Variants in CACNA1A observed in about 807,000 individuals in gnomAD.
The protein encoded by CACNA1A is voltage-dependent P/Q-type calcium channel subunit alpha-1A.
A neutral mutation model predicts 262.4 loss-of-function variants in CACNA1A; 57 were observed. The observed-to-expected ratio is 0.22, with a 90% CI of 0.18 to 0.27. CACNA1A has a LOEUF of 0.27. Among genes scored for constraint, CACNA1A ranks in the 10% least tolerant of loss-of-function variants. CACNA1A has a pLI of 1.00. For missense variants in CACNA1A, 2,526 were observed against 3,562.8 expected (o/e 0.71, Z 7.41); for synonymous variants, 1,431 against 1,419.3 (o/e 1.01, Z -0.18).
intron 5 of CACNA1A, among the ~76,000 whole-genome samples, chr19:13,360,313 G>A (rs1214461245): frequency 6.9e-6 from 1 of 145,282 alleles, no homozygotes; most frequent in Non-Finnish European, 1.5e-5. Context: ...GGAAGACAGG[G>A]AGAGAACGGG....
rs759994157 is a variant in CACNA1A, at chr19:13,444,917, C to T, written c.539+7959G>A. The stretch of plus-strand genomic sequence containing the variant: ...CTTTGGGAGACAGAGGTGGGCGGAC[C>T]ACCTGAGGGCAGGACTTGGAGACTA... On this transcript the variant is annotated intron_variant, in intron 3 of 46. Transcript: ENST00000360228. Among the ~76,000 whole-genome samples the T allele has an allele frequency of 1.2e-4, 18 of 151,948 alleles. 1 individual carries two copies. Among genetic ancestry groups the T allele is most frequent in the Non-Finnish European group, 2.4e-4 (16 of 67,976 alleles).
chr19:13,419,315 G>T (rs2060277478), intron 3 of CACNA1A, among the ~76,000 whole-genome samples: 1 of 152,228 alleles, frequency 6.6e-6, no homozygotes, highest in South Asian at 2.1e-4. Context: ...TACCATCTAG[G>T]TTTGTGTTAA....
At chr19:13,285,851 C>T (rs903673213) in intron 20 of CACNA1A, among the ~76,000 whole-genome samples, 3 of 151,754 alleles carry the variant, frequency 2.0e-5, no homozygotes, top group Non-Finnish European at 4.4e-5. Context: ...GATCTTAGGT[C>T]TCAGGACCAT....
intron 19 of CACNA1A, among the ~76,000 whole-genome samples, chr19:13,290,628 T>C (rs1169900135): frequency 1.3e-5 from 2 of 151,918 alleles, no homozygotes; most frequent in Admixed American, 1.3e-4. Context: ...TTCAGGCTGG[T>C]ATTGAACTCC....
intron 1 of CACNA1A, among the ~76,000 whole-genome samples, chr19:13,456,894 C>T (rs1367016833): frequency 6.6e-6 from 1 of 152,076 alleles, no homozygotes; most frequent in African/African-American, 2.4e-5. Flanking sequence ...AACAAACAAA[C>T]AGAAAACAAG....
At chr19:13,325,795 A>G (rs1478262535) in intron 10 of CACNA1A, among the ~76,000 whole-genome samples, 1 of 152,172 alleles carries the variant, frequency 6.6e-6, no homozygotes, top group Non-Finnish European at 1.5e-5. Context: ...GGCTGTATCT[A>G]TTTATAGTGC....
chr19:13,251,109 G>T (rs1353164971), intron 30 of CACNA1A, among the ~76,000 whole-genome samples: 1 of 138,394 alleles, frequency 7.2e-6, no homozygotes, highest in Non-Finnish European at 1.5e-5. Flanking sequence ...TCCAGCTTGG[G>T]CAACAGAGCA....
chr19:13,339,646 T>G (rs2058641480), intron 6 of CACNA1A, among the ~76,000 whole-genome samples: 2 of 152,070 alleles, frequency 1.3e-5, no homozygotes, highest in Admixed American at 1.3e-4. Flanking sequence ...GCACTACGCA[T>G]TATATGCATT....
chr19:13,220,834 C>T (rs1033854895), intron 38 of CACNA1A, among the ~76,000 whole-genome samples: 6 of 152,098 alleles, frequency 3.9e-5, no homozygotes, highest in Admixed American at 3.3e-4. Flanking sequence ...CTGTGTTGGC[C>T]AGGCTGATCT....
intron 6 of CACNA1A, among the ~76,000 whole-genome samples, chr19:13,349,916 C>T (rs2058875800): frequency 6.6e-6 from 1 of 152,202 alleles, no homozygotes; most frequent in Non-Finnish European, 1.5e-5. Flanking sequence ...CCAGAGCCTT[C>T]TCTGGCCCAG....
intron 19 of CACNA1A, among the ~76,000 whole-genome samples, chr19:13,294,782 C>G (rs2144931893): frequency 6.6e-6 from 1 of 152,254 alleles, no homozygotes; most frequent in African/African-American, 2.4e-5. Context: ...AACCATCACA[C>G]TGGCCTGTAC....
chr19:13,212,143 C>G lies in CACNA1A; in HGVS notation c.6263G>C (p.Gly2088Ala), dbSNP rs759252101. 1.2e-6 allele frequency: 2 copies of G among 1,613,764 alleles called. No individual in the cohort carries two copies. Among genetic ancestry groups the G allele is most frequent in the Non-Finnish European group, 1.7e-6 (2 of 1,179,728 alleles). Residue 2088 changes from glycine to alanine, a missense_variant, in exon 43 of 47, where the codon GGC becomes GCC. Gly to Ala is a moderately conservative substitution (Grantham distance 60). Transcript: ENST00000360228. This position sits in a 1 kb window ranked among gnomAD's most constrained non-coding sequence, Gnocchi z 5.6. ...GAGGCGGGGCATGGAGGCAGCCCGG[C>G]CCTGGCCTTCCATGGGGAGGTAGTG... ...SEHYLPMEGQ[G>A]RAASMPRLPA...
chr19:13,446,041 G>A (rs1056545065), intron 3 of CACNA1A, among the ~76,000 whole-genome samples: 4 of 152,090 alleles, frequency 2.6e-5, no homozygotes, highest in African/African-American at 4.8e-5. Flanking sequence ...TTGGGAGGCC[G>A]AGGTGGGCAG....
chr19:13,276,028 T>C lies in CACNA1A; in HGVS notation c.3883-72A>G, dbSNP rs1260205572. ...CCCTGGGGTGCTGCCACCCACTCTCTAGCCTCTCGGGGAGAGGCAGGGAAG... is the reference window on the plus strand; with the variant it reads ...CCCTGGGGTGCTGCCACCCACTCTCCAGCCTCTCGGGGAGAGGCAGGGAAG... On this transcript the variant is annotated intron_variant, in intron 23 of 46. Transcript: ENST00000360228. The C allele has an allele frequency of 5.2e-6, 5 of 956,530 alleles. No homozygotes were observed. In the East Asian group the frequency reaches 1.0e-4, roughly 19 times the overall value. The allele number at this position is 956,530 out of a possible 1,614,324, so 59.3% of individuals were successfully genotyped here. A position where few individuals can be genotyped will look rare whatever the true frequency, so the allele number is the denominator to read the frequency against.
chr19:13,209,253 T>C, intron 45 of CACNA1A, 59 bp downstream of exon 45: 1 of 1,428,266 alleles, frequency 7.0e-7, no homozygotes, highest in Admixed American at 2.9e-5. Flanking sequence ...CGCCCTGCCT[T>C]CTCCTCCCCT....
chr19:13,354,456 A>T (rs1319498378), intron 6 of CACNA1A, among the ~76,000 whole-genome samples: 1 of 152,224 alleles, frequency 6.6e-6, no homozygotes, highest in Non-Finnish European at 1.5e-5. Context: ...GCACGAAGGC[A>T]GAACCCAAGA....
At chr19:13,430,218 T>TA (rs57084768) in intron 3 of CACNA1A, among the ~76,000 whole-genome samples, 41,285 of 151,232 alleles carry the variant, frequency 0.27, 5,831 homozygotes, top group African/African-American at 0.34. Context: ...TATATATATA[T>TA]TTTTTGAGAC....
intron 30 of CACNA1A, among the ~76,000 whole-genome samples, chr19:13,249,852 CA>C (rs1329697375): frequency 6.6e-6 from 1 of 152,094 alleles, no homozygotes; most frequent in African/African-American, 2.4e-5. Flanking sequence ...TGCCCCTAAC[CA>C]CCTCCGTGAG....
Position 13,288,986 on chromosome 19 carries a change from G to A in CACNA1A, c.3090-2020C>T, listed in dbSNP as rs74520286. ...TGGGATGCTTCTATGAATACTTCCC[G>A]GAAGGAGAAACCGAGGCAGTTCCAC... On this transcript the variant is annotated intron_variant, in intron 19 of 46. Transcript: ENST00000360228. Among the ~76,000 whole-genome samples, 4 of 152,144 alleles carry A rather than the reference G, an allele frequency of 2.6e-5. No individual in the cohort carries two copies. The East Asian group carries it at 7.7e-4, about 29-fold the overall frequency.
Sources: gnomAD v4.1 joint callset for allele counts (sites outside exome capture counted in the v4.1 genomes callset) on GRCh38, gnomAD v4.1.1 for gene constraint, Gnocchi (gnomAD v3.1) non-coding constraint, MANE v1.5 for transcripts, NCBI Gene and HGNC (gene_info 2026-07-23, HGNC 2026-07-21) for gene names.